The following DLG4 variants were observed in gnomAD, a reference collection of about 807,000 sequenced individuals.
The protein encoded by DLG4 is discs large MAGUK scaffold protein 4.
DLG4 carries 7 observed loss-of-function variants against 93.8 expected under a neutral mutation model. That is an observed-to-expected ratio of 0.07 (90% CI 0.04 to 0.14). The LOEUF is 0.14. Among genes scored for constraint, DLG4 ranks in the 10% least tolerant of loss-of-function variants. DLG4 has a pLI of 1.00. For synonymous variants in DLG4, 341 were observed against 387.6 expected, an observed-to-expected ratio of 0.88 and a Z score of 1.41; for missense variants, 545 against 992.9, an observed-to-expected ratio of 0.55 and a Z score of 6.06.
Position 7,203,650 on chromosome 17 carries a change from C to T in DLG4, c.335+42G>A. 1 of 1,612,194 alleles carries T rather than the reference C, an allele frequency of 6.2e-7. No individual in the cohort carries two copies. Among genetic ancestry groups the T allele is most frequent in the Non-Finnish European group, 8.5e-7 (1 of 1,178,462 alleles). On this transcript the variant is annotated intron_variant, in intron 5 of 19. Transcript: ENST00000399506. This position sits in a 1 kb window ranked among gnomAD's most constrained non-coding sequence, Gnocchi z 7.2. ...GCTTCCTGCTGCCCTGGCCCTCCCT[C>T]TCCAGGGACCAAGCAACCTAACCCC...
chr17:7,205,222 T>A, intron 2 of DLG4: 1 of 949,036 alleles, frequency 1.1e-6, no homozygotes, highest in Non-Finnish European at 1.3e-6. Context: ...CCTATCCCGC[T>A]CATCTACTCC....
upstream of DLG4, chr17:7,218,153 G>T: frequency 7.9e-7 from 1 of 1,259,576 alleles, no homozygotes; most frequent in Non-Finnish European, 1.1e-6. Flanking sequence ...GGGCCCCCAA[G>T]ATTCCAGGTA....
In DLG4 at chr17:7,196,305, C is replaced by T. The variant is rs771499875; in HGVS notation, c.1216G>A (p.Asp406Asn). The T allele has an allele frequency of 5.6e-6, 9 of 1,613,890 alleles. No individual in the cohort carries two copies. Among genetic ancestry groups the T allele is most frequent in the Admixed American group, 5.0e-5 (3 of 60,006 alleles). ...CTGTTCATGAGCTGTTCCCGAAGGT[C>T]GTGGATCTTGGCCTCGAATCGGCTG... is the stretch of plus-strand genomic sequence containing the variant. ...EYSRFEAKIH[D>N]LREQLMNSSL... The change falls in exon 11 of 20, where the codon GAC becomes AAC. Residue 406 changes from aspartate (D) to asparagine (N), a missense_variant. This residue lies in a region of DLG4 where 428 missense variants were observed against 741.4 expected (regional missense o/e 0.58). Transcript: ENST00000399506. The surrounding 1 kb of genome is among the most constrained non-coding windows in gnomAD (Gnocchi z 8.3).
Position 7,193,507 on chromosome 17 carries a change from C to T in DLG4, c.1669G>A (p.Asp557Asn), listed in dbSNP as rs748458650. 3.3e-6 allele frequency: 5 copies of T among 1,537,222 alleles called. No homozygotes were observed. The highest frequency in any genetic ancestry group is 1.4e-5 in the African/African-American group (1 of 71,892). The change falls in exon 16 of 20, where the codon GAC becomes AAC. Residue 557 changes from aspartate to asparagine, a missense_variant. Asp to Asn is a conservative substitution (Grantham distance 23). Around this residue, in one of 5 missense-constraint regions of DLG4, gnomAD observed 428 missense variants for 741.4 expected, o/e 0.58. Transcript: ENST00000399506. The surrounding 1 kb of genome is among the most constrained non-coding windows in gnomAD (Gnocchi z 6.7). ...ANDDLLSEFP[D>N]KFGSCVPHTT... is the part of the protein sequence containing the mutation. The stretch of plus-strand genomic sequence containing the variant: ...CGGGGAACACAGGATCCAAACTTGT[C>T]GGGGAACTCGGAGAGAAGATCATCG...
intron 1 of DLG4, among the ~76,000 whole-genome samples, chr17:7,212,789 C>T (rs1362108182): frequency 5.9e-5 from 9 of 152,042 alleles, no homozygotes; most frequent in Admixed American, 3.9e-4. Flanking sequence ...AATCCCAGCA[C>T]TTTGGGAGGC....
In DLG4 at chr17:7,189,359, GTA is replaced by G. The variant is rs1567799106; in HGVS notation, c.*1347_*1348del. Among the ~76,000 whole-genome samples, 10 of 151,712 alleles carry G rather than the reference GTA, an allele frequency of 6.6e-5. No homozygotes were observed. Among genetic ancestry groups the G allele is most frequent in the Admixed American group, 1.3e-4 (2 of 15,242 alleles). ...ACAAAATTAGCCAGGCATGGTGGCAGTAATCTGTAATCCCAGCTACTCAGGGG... is the reference window on the plus strand; with the variant it reads ...ACAAAATTAGCCAGGCATGGTGGCAGATCTGTAATCCCAGCTACTCAGGGG... On this transcript the variant is annotated 3_prime_UTR_variant, in exon 20 of 20. Transcript: ENST00000399506.
chr17:7,205,992 A>G (rs1363213661), intron 2 of DLG4, among the ~76,000 whole-genome samples: 1 of 150,494 alleles, frequency 6.6e-6, no homozygotes, highest in Admixed American at 6.6e-5. Flanking sequence ...GCCCTTCAAC[A>G]TCCATCTTCC....
At chr17:7,217,754 C>T (rs1237915800), upstream of DLG4, 14 of 1,535,162 alleles carry the variant, frequency 9.1e-6, no homozygotes, top group South Asian at 1.5e-4. Flanking sequence ...AGCAGAAGCA[C>T]AGAGGCCCCT....
intron 8 of DLG4, among the ~76,000 whole-genome samples, chr17:7,201,326 A>G (rs1345523100): frequency 6.6e-6 from 1 of 152,220 alleles, no homozygotes; most frequent in African/African-American, 2.4e-5. Flanking sequence ...AAATCTCTAA[A>G]GCAGTGATTC....
chr17:7,209,978 G>A (rs2070644952), intron 1 of DLG4, among the ~76,000 whole-genome samples: 1 of 152,128 alleles, frequency 6.6e-6, no homozygotes, highest in Non-Finnish European at 1.5e-5. Flanking sequence ...GGAAGCGGAG[G>A]TTGCAGTGAG....
intron 1 of DLG4, chr17:7,213,900 C>G: frequency 2.1e-6 from 1 of 470,668 alleles, no homozygotes; most frequent in Non-Finnish European, 4.4e-6. Flanking sequence ...CTTGGATCAC[C>G]AGAGGATCCA....
At chr17:7,201,610 G>A (rs2070141097) in intron 8 of DLG4, among the ~76,000 whole-genome samples, 1 of 152,124 alleles carries the variant, frequency 6.6e-6, no homozygotes, top group African/African-American at 2.4e-5. Context: ...GCCGGGCGCG[G>A]TGGCTCACGC....
Position 7,196,249 on chromosome 17 carries a change from C to T in DLG4, c.1272G>A (p.Arg424=). ...TGTAGAAACCCCTTTTGGGGTTGCT[C>T]CGCAGGGACGCAGTCCCTGAGCCCA... ...SSLGSGTASL[R]SNPKRGFYIR... is the part of the protein sequence containing the mutation. Residue 424 remains arginine, a synonymous_variant, in exon 11 of 20, where the codon CGG becomes CGA. Transcript: ENST00000399506. This position sits in a 1 kb window ranked among gnomAD's most constrained non-coding sequence, Gnocchi z 8.3. 1 of 1,613,930 alleles carries T rather than the reference C, an allele frequency of 6.2e-7. No individual in the cohort carries two copies. Among genetic ancestry groups the T allele is most frequent in the Non-Finnish European group, 8.5e-7 (1 of 1,179,838 alleles).
Position 7,208,598 on chromosome 17 carries a change from G to A in DLG4, c.31-359C>T, listed in dbSNP as rs1455164238. On this transcript the variant is annotated intron_variant, in intron 1 of 19. Coordinates refer to ENST00000399506, the MANE Select transcript of DLG4 (RefSeq NM_001321075.3). The surrounding 1 kb of genome is among the most constrained non-coding windows in gnomAD (Gnocchi z 5.4). The stretch of plus-strand genomic sequence containing the variant: ...ATCTTCGAGTCCCTCCAGCTTCTCA[G>A]AGCTCTAGCCCCGACACTCACATCT... 6.6e-6 allele frequency among the ~76,000 whole-genome samples: 1 copy of A among 151,920 alleles called. No homozygotes were observed. The highest frequency in any genetic ancestry group is 1.5e-5 in the Non-Finnish European group (1 of 67,984).
chr17:7,215,517 A>G (rs1231565640), intron 1 of DLG4, among the ~76,000 whole-genome samples: 7 of 152,236 alleles, frequency 4.6e-5, no homozygotes, highest in Admixed American at 1.3e-4. Flanking sequence ...TGACAGGCCT[A>G]AGGGCAGGAG....
In DLG4 at chr17:7,189,003, T is replaced by A. The variant is rs1484026464; in HGVS notation, c.*1705A>T. ...GGCAGGCGCCTGTAATCCCAGCTAT[T>A]CGAGAGGCTGAGGCAGGAGAACCGT... On this transcript the variant is annotated 3_prime_UTR_variant, in exon 20 of 20. Transcript: ENST00000399506. Among the ~76,000 whole-genome samples, 1 of 150,196 alleles carries A rather than the reference T, an allele frequency of 6.7e-6. No individual in the cohort carries two copies. Among genetic ancestry groups the A allele is most frequent in the African/African-American group, 2.5e-5 (1 of 40,598 alleles).
intron 1 of DLG4, among the ~76,000 whole-genome samples, chr17:7,214,642 C>CA (rs2070833983): frequency 6.6e-6 from 1 of 152,242 alleles, no homozygotes; most frequent in Non-Finnish European, 1.5e-5. Flanking sequence ...TCCCCACCCC[C>CA]ACTTGTTCTG....
chr17:7,188,448 C>T lies in DLG4; in HGVS notation c.*2260G>A, dbSNP rs1027661438. 6.6e-6 allele frequency among the ~76,000 whole-genome samples: 1 copy of T among 152,254 alleles called. No individual in the cohort carries two copies. Among genetic ancestry groups the T allele is most frequent in the East Asian group, 1.9e-4 (1 of 5,168 alleles). ...GGGCCCTCTGCCTCAGCCTTACCCA[C>T]TGGAGCACCTGAGAATCAGAGAAAG... is the stretch of plus-strand genomic sequence containing the variant. On this transcript the variant is annotated 3_prime_UTR_variant, in exon 20 of 20. Coordinates refer to ENST00000399506, the MANE Select transcript of DLG4 (RefSeq NM_001321075.3).
In DLG4 at chr17:7,217,413, CG is replaced by C; in HGVS notation, c.-267del. 3 of 118,926 alleles carry C rather than the reference CG, an allele frequency of 2.5e-5. No individual in the cohort carries two copies. The highest frequency in any genetic ancestry group is 4.2e-5 in the Non-Finnish European group (3 of 71,596). The allele number at this position is 118,926 out of a possible 1,614,324, so 7.4% of individuals were successfully genotyped here. A position where few individuals can be genotyped will look rare whatever the true frequency, so the allele number is the denominator to read the frequency against. Reference sequence around the variant, plus strand: ...AGCACACCCCGATTCTCAGGAGGGGCGGGGGCACCGGGGGCTGGCAGCCCCG... The same window carrying C: ...AGCACACCCCGATTCTCAGGAGGGGCGGGGCACCGGGGGCTGGCAGCCCCG... On this transcript the variant is annotated 5_prime_UTR_variant, in exon 1 of 20. The change abolishes the stop of an existing upstream ORF in the 5' untranslated region. Transcript: ENST00000399506.
Sources: allele counts gnomAD v4.1 joint callset (sites outside exome capture counted in the v4.1 genomes callset), GRCh38; gene constraint gnomAD v4.1.1; regional missense constraint gnomAD v4.1.1; non-coding constraint Gnocchi (gnomAD v3.1); transcripts MANE v1.5; gene names NCBI Gene and HGNC (gene_info 2026-07-23, HGNC 2026-07-21).